KCNC1: variants seen among roughly 807,000 people sequenced by gnomAD.
The protein encoded by KCNC1 is voltage-gated potassium channel KCNC1.
KCNC1 carries 8 observed loss-of-function variants against 43.4 expected under a neutral mutation model. The observed-to-expected ratio is 0.18, with a 90% CI of 0.11 to 0.33. KCNC1 has a LOEUF of 0.33. Ranked by LOEUF, KCNC1 falls within the 10% of genes least tolerant of loss-of-function variation. KCNC1 has a pLI of 1.00. For synonymous variants in KCNC1, 361 were observed against 360.5 expected (o/e 1.00, Z -0.01); for missense variants, 420 against 836.0 (o/e 0.50, Z 6.14).
rs750669105 is a variant in KCNC1, at chr11:17,772,605, A to T, written c.1504+7A>T. ...TTAGAAATTAACAGAGCAGGTAGGA[A>T]ACCTCTTAGAGGCATGTCGATCTGA... On this transcript the variant is annotated splice_region_variant and intron_variant, in intron 2 of 3. Coordinates refer to ENST00000265969, the MANE Select transcript of KCNC1 (RefSeq NM_001112741.2). The T allele has an allele frequency of 1.2e-6, 2 of 1,610,958 alleles. No homozygotes were observed. Among genetic ancestry groups the T allele is most frequent in the Non-Finnish European group, 1.7e-6 (2 of 1,177,894 alleles).
At chr11:17,756,029 G>T (rs1357821991) in intron 1 of KCNC1, among the ~76,000 whole-genome samples, 2 of 152,138 alleles carry the variant, frequency 1.3e-5, no homozygotes, top group Non-Finnish European at 2.9e-5. Context: ...GCGGTCCCAG[G>T]AAGTGCAAGA....
At chr11:17,754,974 T>G (rs1381928523) in intron 1 of KCNC1, among the ~76,000 whole-genome samples, 1 of 152,116 alleles carries the variant, frequency 6.6e-6, no homozygotes, top group Non-Finnish European at 1.5e-5. Context: ...AGTTGGCATC[T>G]TAGATGATCT....
rs1353111879 is a variant in KCNC1, at chr11:17,776,191, C to G, written c.1505-3265C>G. On this transcript the variant is annotated intron_variant, in intron 2 of 3. Coordinates refer to ENST00000265969, the MANE Select transcript of KCNC1 (RefSeq NM_001112741.2). The surrounding 1 kb of genome is among the most constrained non-coding windows in gnomAD (Gnocchi z 4.4). ...TTTCCGTGTTGTTCACATTTTCTCT[C>G]TTTCTCTCTCTCTCCACTAATCATG... is the stretch of plus-strand genomic sequence containing the variant. 1.0e-6 allele frequency: 1 copy of G among 985,314 alleles called. No individual in the cohort carries two copies. The highest frequency in any genetic ancestry group is 1.2e-6 in the Non-Finnish European group (1 of 829,944). The allele number at this position is 985,314 out of a possible 1,614,324, so 61.0% of individuals were successfully genotyped here.
At chr11:17,740,788 G>T (rs1419055185) in intron 1 of KCNC1, among the ~76,000 whole-genome samples, 1 of 152,100 alleles carries the variant, frequency 6.6e-6, no homozygotes, top group African/African-American at 2.4e-5. Flanking sequence ...CCCTTGTCCT[G>T]TGTCTGTCTC....
chr11:17,741,623 C>T (rs528584474), intron 1 of KCNC1, among the ~76,000 whole-genome samples: 7 of 152,148 alleles, frequency 4.6e-5, no homozygotes, highest in Non-Finnish European at 8.8e-5. Context: ...TTTCAACTCA[C>T]GGGCCTGTCA....
chr11:17,756,268 C>T (rs1194186943), intron 1 of KCNC1, among the ~76,000 whole-genome samples: 4 of 152,168 alleles, frequency 2.6e-5, no homozygotes, highest in Non-Finnish European at 5.9e-5. Context: ...GTGCATTCCC[C>T]TTGATGCCCC....
rs1050786440 is a variant in KCNC1, at chr11:17,779,730, G to A, written c.1693+86G>A. ...GGTGGGCAGGGCGGCGGGCAAGGGC[G>A]CTGAGGGGCAGGCAGGCACACCGAG... is the stretch of plus-strand genomic sequence containing the variant. On this transcript the variant is annotated intron_variant, in intron 3 of 3. Coordinates refer to ENST00000265969, the MANE Select transcript of KCNC1 (RefSeq NM_001112741.2). This position sits in a 1 kb window ranked among gnomAD's most constrained non-coding sequence, Gnocchi z 7.2. The A allele has an allele frequency of 3.3e-5, 38 of 1,144,830 alleles. No individual in the cohort carries two copies. Among genetic ancestry groups the A allele is most frequent in the Non-Finnish European group, 4.2e-5 (36 of 855,886 alleles). The allele number at this position is 1,144,830 out of a possible 1,614,324, so 70.9% of individuals were successfully genotyped here.
At chr11:17,769,934 A>G (rs1849203955) in intron 1 of KCNC1, among the ~76,000 whole-genome samples, 1 of 152,202 alleles carries the variant, frequency 6.6e-6, no homozygotes. Flanking sequence ...AGAACAGATC[A>G]TATCTACAGG....
intron 1 of KCNC1, among the ~76,000 whole-genome samples, chr11:17,770,960 C>G (rs751483841): frequency 6.6e-6 from 1 of 152,146 alleles, no homozygotes; most frequent in African/African-American, 2.4e-5. Context: ...TATTTGAGTA[C>G]CTCCAAGGAC....
intron 1 of KCNC1, among the ~76,000 whole-genome samples, chr11:17,753,387 A>C (rs1345920127): frequency 6.6e-6 from 1 of 152,250 alleles, no homozygotes; most frequent in Non-Finnish European, 1.5e-5. Context: ...CTCAGGCTAC[A>C]GTCCTGGTCC....
Position 17,772,575 on chromosome 11 carries a change from A to C in KCNC1, c.1481A>C (p.Glu494Ala), listed in dbSNP as rs769242593. ...GACACATGTCCGCTGGCCCAGGAAG[A>C]AATTTTAGAAATTAACAGAGCAGGT... ...QSDTCPLAQE[E>A]ILEINRADSK... The change falls in exon 2 of 4, where the codon GAA becomes GCA. Residue 494 changes from glutamate (E) to alanine (A), a missense_variant. By Grantham distance (107) the Glu-to-Ala change is moderately radical. This residue lies in a region of KCNC1 where 147 missense variants were observed against 176.1 expected (regional missense o/e 0.83). Transcript: ENST00000265969. The C allele has an allele frequency of 1.9e-6, 3 of 1,612,998 alleles. No homozygotes were observed. The highest frequency in any genetic ancestry group is 2.5e-6 in the Non-Finnish European group (3 of 1,179,230).
At position 17,782,707 on chromosome 11, in the gene KCNC1, C is replaced by A. The variant is rs1461345782; in HGVS notation, c.*973C>A. 2.0e-5 allele frequency: 3 copies of A among 152,184 alleles called. No individual in the cohort carries two copies. Among genetic ancestry groups the A allele is most frequent in the Non-Finnish European group, 4.4e-5 (3 of 68,042 alleles). The allele number at this position is 152,184 out of a possible 1,614,324, so 9.4% of individuals were successfully genotyped here. ...CCAATGTTATGCAAAGCGATTCTAG[C>A]ATGAAATAAATTTTGTATCATGGTT... On this transcript the variant is annotated 3_prime_UTR_variant, in exon 4 of 4. Coordinates refer to ENST00000265969, the MANE Select transcript of KCNC1 (RefSeq NM_001112741.2).
rs1237953806 is a variant in KCNC1 at position 17,777,123 on chromosome 11, G to T, written c.1505-2333G>T. 1 of 984,702 alleles carries T rather than the reference G, an allele frequency of 1.0e-6. No homozygotes were observed. Among genetic ancestry groups the T allele is most frequent in the East Asian group, 1.2e-4 (1 of 8,650 alleles). 61.0% of individuals were successfully genotyped at this position (984,702 alleles called of 1,614,324 possible). A position where few individuals can be genotyped will look rare whatever the true frequency, so the allele number is the denominator to read the frequency against. On this transcript the variant is annotated intron_variant, in intron 2 of 3. Coordinates refer to ENST00000265969, the MANE Select transcript of KCNC1 (RefSeq NM_001112741.2). This position sits in a 1 kb window ranked among gnomAD's most constrained non-coding sequence, Gnocchi z 4.3. ...CCGAACTTTGGGCCCTTTAGTGATT[G>T]TGAGAGCTGGGAGCCCCCAGGGCCT... is the stretch of plus-strand genomic sequence containing the variant.
chr11:17,768,563 C>G (rs909071869), intron 1 of KCNC1, among the ~76,000 whole-genome samples: 1 of 126,482 alleles, frequency 7.9e-6, no homozygotes, highest in Non-Finnish European at 1.6e-5. Context: ...TGACCCTGCC[C>G]GGAGAGAGTC....
chr11:17,748,206 G>A (rs1848923461), intron 1 of KCNC1, among the ~76,000 whole-genome samples: 1 of 152,130 alleles, frequency 6.6e-6, no homozygotes. Context: ...GTCACTGTGA[G>A]CGCAGGTCAT....
chr11:17,747,217 C>G (rs538372200), intron 1 of KCNC1, among the ~76,000 whole-genome samples: 2 of 152,164 alleles, frequency 1.3e-5, no homozygotes, highest in Non-Finnish European at 2.9e-5. Flanking sequence ...TTGCTTGGTT[C>G]TCCTGAGCTC....
At chr11:17,745,119 C>A (rs1848882809) in intron 1 of KCNC1, among the ~76,000 whole-genome samples, 1 of 152,170 alleles carries the variant, frequency 6.6e-6, no homozygotes, top group South Asian at 2.1e-4. Flanking sequence ...ATGATTCATG[C>A]ACGGTGGAGT....
chr11:17,763,694 ACACCCT>A, intron 1 of KCNC1, among the ~76,000 whole-genome samples: 2 of 114,250 alleles, frequency 1.8e-5, no homozygotes, highest in Non-Finnish European at 3.4e-5. Flanking sequence ...GCACAAATAC[ACACCCT>A]CACCCACACA....
At chr11:17,748,523 G>A (rs1290184291) in intron 1 of KCNC1, among the ~76,000 whole-genome samples, 2 of 152,134 alleles carry the variant, frequency 1.3e-5, no homozygotes, top group East Asian at 1.9e-4. Flanking sequence ...AGATGGGCAC[G>A]CTAGGGGCCC....
Sources: gnomAD v4.1 joint callset for allele counts (sites outside exome capture counted in the v4.1 genomes callset) on GRCh38, gnomAD v4.1.1 for gene constraint, gnomAD v4.1.1 regional missense constraint, Gnocchi (gnomAD v3.1) non-coding constraint, MANE v1.5 for transcripts, NCBI Gene and HGNC (gene_info 2026-07-23, HGNC 2026-07-21) for gene names.